The following MYO1F variants were observed in gnomAD, a reference collection of about 807,000 sequenced individuals.
The protein encoded by MYO1F is unconventional myosin-If.
In MYO1F, 60 loss-of-function variants were observed where a neutral mutation model predicts 146.6. The ratio of observed to expected loss-of-function variants is 0.41; its 90% confidence interval spans 0.33 to 0.51. MYO1F has a LOEUF of 0.51. Ranked by LOEUF, MYO1F falls within the 20% of genes least tolerant of loss-of-function variation. The pLI, the probability that MYO1F is intolerant of heterozygous loss-of-function variation, is 0.25. For missense variants in MYO1F, 1,274 were observed against 1,534.3 expected, an observed-to-expected ratio of 0.83 and a Z score of 2.83; for synonymous variants, 602 against 602.1, an observed-to-expected ratio of 1.00 and a Z score of 0.00.
Position 8,553,438 on chromosome 19 carries a change from C to T in MYO1F, c.327-1G>A. The T allele has an allele frequency of 6.2e-7, 1 of 1,613,258 alleles. No individual in the cohort carries two copies. Among genetic ancestry groups the T allele is most frequent in the Non-Finnish European group, 8.5e-7 (1 of 1,179,184 alleles). On this transcript the variant is annotated splice_acceptor_variant, in intron 4 of 27. Coordinates refer to ENST00000644032, the MANE Select transcript of MYO1F (RefSeq NM_012335.4). LOFTEE classifies it high-confidence loss of function. ...TGTCTTCCCAGCTCCACTCTCTCCACTGGGGATGAATGGAGGAATAAATGA... is the reference window on the plus strand; with the variant it reads ...TGTCTTCCCAGCTCCACTCTCTCCATTGGGGATGAATGGAGGAATAAATGA...
At position 8,525,464 on chromosome 19, in the gene MYO1F, G is replaced by C. The variant is rs1445343616; in HGVS notation, c.2854+15C>G. ...CAACAGACAAGGGAATATAGCAAGG[G>C]ACGCAGCTCCTCACCTCTGGGGGGC... On this transcript the variant is annotated intron_variant, in intron 25 of 27. Transcript: ENST00000644032. The C allele has an allele frequency of 1.9e-6, 3 of 1,610,070 alleles. No homozygotes were observed. Among genetic ancestry groups the C allele is most frequent in the Non-Finnish European group, 2.5e-6 (3 of 1,177,320 alleles).
chr19:8,572,342 A>G (rs1568378884), intron 1 of MYO1F, among the ~76,000 whole-genome samples: 1 of 151,698 alleles, frequency 6.6e-6, no homozygotes, highest in African/African-American at 2.4e-5. Context: ...ATCTCAGCTC[A>G]CTGCAACCTC....
rs1389683399 is a variant in MYO1F at position 8,527,490 on chromosome 19, G to A, written c.2329-7C>T. On this transcript the variant is annotated splice_polypyrimidine_tract_variant and splice_region_variant and intron_variant, in intron 21 of 27. Coordinates refer to ENST00000644032, the MANE Select transcript of MYO1F (RefSeq NM_012335.4). ...TCAAGTCCCGCTTGATGGGCTGTGGGGATGCAGGATTAGAGGCTGATGCCT... is the reference window on the plus strand; with the variant it reads ...TCAAGTCCCGCTTGATGGGCTGTGGAGATGCAGGATTAGAGGCTGATGCCT... The A allele has an allele frequency of 5.0e-6, 8 of 1,613,704 alleles. No individual in the cohort carries two copies. The highest frequency in any genetic ancestry group is 6.8e-6 in the Non-Finnish European group (8 of 1,179,912).
intron 25 of MYO1F, chr19:8,525,199 CAAAAAAAA>C (rs60806727): frequency 2.7e-5 from 2 of 75,076 alleles, no homozygotes; most frequent in East Asian, 2.6e-4. Flanking sequence ...GACTCCATCT[CAAAAAAAA>C]AAAAAAAAAA....
rs762759380 is a variant in MYO1F, at chr19:8,530,167, C to T, written c.2328+29G>A. 14 of 1,613,734 alleles carry T rather than the reference C, an allele frequency of 8.7e-6. No homozygotes were observed. The African/African-American group carries it at 1.7e-4, about 20-fold the overall frequency. On this transcript the variant is annotated intron_variant, in intron 21 of 27. Transcript: ENST00000644032. This position sits in a 1 kb window ranked among gnomAD's most constrained non-coding sequence, Gnocchi z 5.8. ...GAGGGTGCCAGGCTGTAGTCAGGGT[C>T]TTGCTGTGCCCACCCACTAGTGCCT...
Position 8,554,719 on chromosome 19 carries a change from A to G in MYO1F, c.166T>C (p.Ser56Pro). ...GGCATCTGCTTGAAGGGGTTTACAG[A>G]GATGAGCACAGAGCCGATGTAGGTC... is the stretch of plus-strand genomic sequence containing the variant. ...IFTYIGSVLI[S>P]VNPFKQMPYF... is the part of the protein sequence containing the mutation. Residue 56 changes from serine to proline, a missense_variant, in exon 3 of 28, where the codon TCT (serine) becomes CCT (proline). Around this residue, in one of 2 missense-constraint regions of MYO1F, gnomAD observed 900 missense variants for 1,155.1 expected, o/e 0.78. Coordinates refer to ENST00000644032, the MANE Select transcript of MYO1F (RefSeq NM_012335.4). 6.2e-7 allele frequency: 1 copy of G among 1,613,778 alleles called. No homozygotes were observed. Among genetic ancestry groups the G allele is most frequent in the Non-Finnish European group, 8.5e-7 (1 of 1,179,958 alleles).
chr19:8,541,878 G>A (rs758885139), intron 15 of MYO1F, 28 bp downstream of exon 15: 23 of 1,595,474 alleles, frequency 1.4e-5, no homozygotes, highest in Non-Finnish European at 1.7e-5. Context: ...GGTTGTAGCC[G>A]GAGGTCCCCA....
At chr19:8,529,019 C>G (rs1426068469) in intron 21 of MYO1F, among the ~76,000 whole-genome samples, 1 of 152,114 alleles carries the variant, frequency 6.6e-6, no homozygotes, top group Non-Finnish European at 1.5e-5. Context: ...AGAGGGCATA[C>G]CTGCCACACA....
chr19:8,548,154 A>G (rs776809328), intron 11 of MYO1F, 32 bp from the exon 12 acceptor site: 208 of 1,612,964 alleles, frequency 1.3e-4, no homozygotes, highest in Admixed American at 2.0e-4. Context: ...CCTTCCCTCA[A>G]TGTCCTGGTG....
chr19:8,557,416 C>T (rs1191313744), intron 1 of MYO1F, among the ~76,000 whole-genome samples: 1 of 152,192 alleles, frequency 6.6e-6, no homozygotes, highest in Non-Finnish European at 1.5e-5. Flanking sequence ...TCCACCACAC[C>T]ACAGCCTCCT....
At chr19:8,571,187 G>T (rs1337964798) in intron 1 of MYO1F, among the ~76,000 whole-genome samples, 1 of 152,176 alleles carries the variant, frequency 6.6e-6, no homozygotes, top group Non-Finnish European at 1.5e-5. Flanking sequence ...GCGAGCTGTG[G>T]TTGCCGGGAG....
rs1972892988 is a variant in MYO1F at position 8,540,027 on chromosome 19, C to T, written c.1612G>A (p.Ala538Thr). 6.2e-7 allele frequency: 1 copy of T among 1,609,420 alleles called. No homozygotes were observed. Among genetic ancestry groups the T allele is most frequent in the East Asian group, 2.2e-5 (1 of 44,774 alleles). Residue 538 changes from alanine (A) to threonine (T), a missense_variant and splice_region_variant, in exon 16 of 28, where the codon GCC becomes ACC. By Grantham distance (58) the Ala-to-Thr change is moderately conservative. Coordinates refer to ENST00000644032, the MANE Select transcript of MYO1F (RefSeq NM_012335.4). The part of the protein sequence containing the change: ...LIELMQTSEQ[A>T]FLRMLFPEKL... ...TCGGGGAAGAGCATCCGGAGGAAGG[C>T]CCTGGGTAGGAAAGGGGAGAGGAGG...
At chr19:8,525,664 C>T (rs1568331268) in intron 24 of MYO1F, 102 bp from the exon 25 acceptor site, 3 of 956,858 alleles carry the variant, frequency 3.1e-6, no homozygotes, top group Non-Finnish European at 4.9e-6. Flanking sequence ...CCCGCCCCCT[C>T]AGGCTCTCCC....
chr19:8,527,763 C>T (rs1972328944), intron 21 of MYO1F, among the ~76,000 whole-genome samples: 1 of 152,194 alleles, frequency 6.6e-6, no homozygotes, highest in Non-Finnish European at 1.5e-5. Flanking sequence ...CAGGTGCGCA[C>T]CACCATGCCC....
At chr19:8,532,795 G>T (rs1972534713) in intron 19 of MYO1F, among the ~76,000 whole-genome samples, 1 of 151,766 alleles carries the variant, frequency 6.6e-6, no homozygotes, top group Non-Finnish European at 1.5e-5. Context: ...GGGTGAGGTG[G>T]GAGGATTCTT....
intron 1 of MYO1F, among the ~76,000 whole-genome samples, chr19:8,560,255 C>T (rs1205983350): frequency 3.3e-5 from 5 of 151,848 alleles, no homozygotes; most frequent in East Asian, 1.9e-4. Flanking sequence ...GAGGCTGAGG[C>T]GGGCGGATCA....
At chr19:8,547,981 C>G in intron 12 of MYO1F, 55 bp downstream of exon 12, 3 of 1,434,340 alleles carry the variant, frequency 2.1e-6, no homozygotes, top group Non-Finnish European at 2.9e-6. Context: ...CCTCATGGTC[C>G]TTCCACCCCA....
intron 13 of MYO1F, 70 bp from the exon 14 acceptor site, chr19:8,544,534 A>ACTGAC: frequency 7.9e-7 from 1 of 1,259,318 alleles, no homozygotes; most frequent in Non-Finnish European, 1.1e-6. Flanking sequence ...TCGTCAGTGC[A>ACTGAC]GAGATTAGGG....
chr19:8,570,404 C>T (rs1312902801), intron 1 of MYO1F, among the ~76,000 whole-genome samples: 2 of 149,748 alleles, frequency 1.3e-5, no homozygotes, highest in South Asian at 4.3e-4. Context: ...GAGTCTCGCT[C>T]TTGTTGCTCA....
Sources: gnomAD v4.1 joint callset for allele counts (sites outside exome capture counted in the v4.1 genomes callset) on GRCh38, gnomAD v4.1.1 for gene constraint, gnomAD v4.1.1 regional missense constraint, Gnocchi (gnomAD v3.1) non-coding constraint, MANE v1.5 for transcripts, NCBI Gene and HGNC (gene_info 2026-07-23, HGNC 2026-07-21) for gene names.